Variants in LAMB3 observed in about 807,000 individuals in gnomAD.
LAMB3 encodes the protein laminin subunit beta 3, also known as laminin subunit beta-3.
LAMB3 carries 104 observed loss-of-function variants against 140.3 expected under a neutral mutation model. That is an observed-to-expected ratio of 0.74 (90% CI 0.63 to 0.87). The LOEUF (loss-of-function observed/expected upper bound fraction) is 0.87, where lower values mean the gene tolerates loss of function less well. Among genes scored for constraint, LAMB3 ranks in the 40% least tolerant of loss-of-function variants. LAMB3 has a pLI of 0.00. For missense variants in LAMB3, 1,531 were observed against 1,575.2 expected, an observed-to-expected ratio of 0.97 and a Z score of 0.47; for synonymous variants, 592 against 602.9, an observed-to-expected ratio of 0.98 and a Z score of 0.26.
chr1:209,627,225 G>A (rs529863753), intron 12 of LAMB3, among the ~76,000 whole-genome samples, 158 bp downstream of exon 12: 41 of 152,334 alleles, frequency 2.7e-4, no homozygotes, highest in South Asian at 1.2e-3. Flanking sequence ...CACAGAGGGA[G>A]GGACATCTGG....
chr1:209,627,065 C>A, intron 12 of LAMB3, 87 bp from the exon 13 acceptor site: 1 of 1,009,542 alleles, frequency 9.9e-7, no homozygotes, highest in South Asian at 1.4e-5. Flanking sequence ...GATTCCTGGT[C>A]CACAGGTAGA....
chr1:209,623,572 C>T lies in LAMB3; in HGVS notation c.2291G>A (p.Ser764Asn), dbSNP rs770547607. ...RQAGGGGGTG[S>N]PKLVALRLEM... ...CAGCCTCAGGGCCACAAGCTTGGGG[C>T]TGCCGGTGCCTCCTCCTCCTCCCGC... The change falls in exon 16 of 23, where the codon AGC becomes AAC. Residue 764 changes from serine (S) to asparagine (N), a missense_variant. Coordinates refer to ENST00000356082, the MANE Select transcript of LAMB3 (RefSeq NM_000228.3). The surrounding 1 kb of genome is among the most constrained non-coding windows in gnomAD (Gnocchi z 4.2). 6.2e-7 allele frequency: 1 copy of T among 1,614,194 alleles called. No individual in the cohort carries two copies.
intron 18 of LAMB3, among the ~76,000 whole-genome samples, chr1:209,621,452 CA>C (rs1412600398): frequency 6.6e-6 from 1 of 152,180 alleles, no homozygotes; most frequent in African/African-American, 2.4e-5. Context: ...CTATCTGGGG[CA>C]AAAACACTGT....
At chr1:209,633,212 A>G in intron 6 of LAMB3, 79 bp from the exon 7 acceptor site, 3 of 1,027,430 alleles carry the variant, frequency 2.9e-6, no homozygotes, top group South Asian at 2.5e-5. Flanking sequence ...CTTTCTTTCC[A>G]TTATATGCCT....
chr1:209,625,229 T>G (rs1198049619), intron 14 of LAMB3, among the ~76,000 whole-genome samples: 1 of 152,136 alleles, frequency 6.6e-6, no homozygotes, highest in Non-Finnish European at 1.5e-5. Context: ...CCTCTGCTGG[T>G]GGGATGGGGG....
In LAMB3 at chr1:209,634,572, G is replaced by A. The variant is rs1156302658; in HGVS notation, c.439C>T (p.Gln147Ter). 6.2e-7 allele frequency: 1 copy of A among 1,613,994 alleles called. No homozygotes were observed. The highest frequency in any genetic ancestry group is 1.3e-5 in the African/African-American group (1 of 74,908). The change falls in exon 6 of 23, where the codon CAG becomes TAG. Residue 147 changes from glutamine (Q) to a stop codon, truncating the protein, a stop_gained. Coordinates refer to ENST00000356082, the MANE Select transcript of LAMB3 (RefSeq NM_000228.3). LOFTEE classifies it high-confidence loss of function. ...GAGGTGCAGTCGGCAGCCAGGTACT[G>A]GTACACTCGCCAGGTCTTACCGAAG... ...SDFGKTWRVY[Q>*]YLAADCTSTF...
In LAMB3 at chr1:209,650,909, G is replaced by A; in HGVS notation, c.28+8C>T. 6.2e-7 allele frequency: 1 copy of A among 1,613,874 alleles called. No homozygotes were observed. Among genetic ancestry groups the A allele is most frequent in the East Asian group, 2.2e-5 (1 of 44,886 alleles). ...ACAGGGCCTGGAAGGATGGGAAGGG[G>A]TACTTACCAAAACACAAGAGGAAGA... is the stretch of plus-strand genomic sequence containing the variant. On this transcript the variant is annotated splice_region_variant and intron_variant, in intron 2 of 22. Transcript: ENST00000356082.
rs748650288 is a variant in LAMB3, at chr1:209,623,596, G to T, written c.2267C>A (p.Ala756Glu). Residue 756 changes from alanine to glutamate, a missense_variant, in exon 16 of 23, where the codon GCG (alanine) becomes GAG (glutamate). By Grantham distance (107) the Ala-to-Glu change is moderately radical. Coordinates refer to ENST00000356082, the MANE Select transcript of LAMB3 (RefSeq NM_000228.3). This position sits in a 1 kb window ranked among gnomAD's most constrained non-coding sequence, Gnocchi z 4.2. ...GCTGCCGGTGCCTCCTCCTCCTCCC[G>T]CCTGCCGCACCAGCCTCTCTGCCTC... is the stretch of plus-strand genomic sequence containing the variant. ...RREAERLVRQ[A>E]GGGGGTGSPK... 1.2e-6 allele frequency: 2 copies of T among 1,613,550 alleles called. No individual in the cohort carries two copies. The highest frequency in any genetic ancestry group is 1.7e-6 in the Non-Finnish European group (2 of 1,179,900).
intron 21 of LAMB3, among the ~76,000 whole-genome samples, chr1:209,617,005 T>C (rs985613413): frequency 6.6e-6 from 1 of 152,226 alleles, no homozygotes; most frequent in Non-Finnish European, 1.5e-5. Flanking sequence ...GAGAATGGGC[T>C]CTTTGATCTT....
Position 209,641,097 on chromosome 1 carries a change from A to C in LAMB3, c.184-2449T>G, listed in dbSNP as rs1404436791. On this transcript the variant is annotated intron_variant, in intron 3 of 22. Coordinates refer to ENST00000356082, the MANE Select transcript of LAMB3 (RefSeq NM_000228.3). ...GACTCTGTCTCAAAAAAAAAAAAAA[A>C]ATTTAAAAAAAAAAAAAGAAAGAAA... 6.3e-5 allele frequency among the ~76,000 whole-genome samples: 8 copies of C among 127,872 alleles called. No homozygotes were observed. In the South Asian group the frequency reaches 1.3e-3, roughly 20 times the overall value. 83.9% of individuals were successfully genotyped at this position (127,872 alleles called of 152,430 possible). A position where few individuals can be genotyped will look rare whatever the true frequency, so the allele number is the denominator to read the frequency against.
chr1:209,627,730 C>G, intron 11 of LAMB3, 151 bp from the exon 12 acceptor site: 1 of 812,624 alleles, frequency 1.2e-6, no homozygotes, highest in South Asian at 1.6e-5. Flanking sequence ...GACCCCTGCG[C>G]TGTCCCACCA....
chr1:209,637,847 C>T, intron 5 of LAMB3, 61 bp downstream of exon 5: 1 of 1,347,032 alleles, frequency 7.4e-7, no homozygotes, highest in Non-Finnish European at 1.1e-6. Flanking sequence ...TCCTCCATGG[C>T]TCCACGCCCA....
In LAMB3 at chr1:209,623,752, G is replaced by A. The variant is rs1210583099; in HGVS notation, c.2138-27C>T. 1.9e-6 allele frequency: 3 copies of A among 1,613,712 alleles called. No homozygotes were observed. Among genetic ancestry groups the A allele is most frequent in the Non-Finnish European group, 1.7e-6 (2 of 1,179,784 alleles). On this transcript the variant is annotated intron_variant, in intron 15 of 22. Coordinates refer to ENST00000356082, the MANE Select transcript of LAMB3 (RefSeq NM_000228.3). This position sits in a 1 kb window ranked among gnomAD's most constrained non-coding sequence, Gnocchi z 4.2. ...TGTGGCGAGAAGCATGAGGAATGGA[G>A]ATGGAGGAGGAGCAGGAGGGAGAGG... is the stretch of plus-strand genomic sequence containing the variant.
chr1:209,639,812 A>G (rs572162286), intron 3 of LAMB3, among the ~76,000 whole-genome samples: 2 of 152,238 alleles, frequency 1.3e-5, no homozygotes, highest in Admixed American at 1.3e-4. Context: ...TTTACCCACA[A>G]ATAGATGCAA....
rs2076356 is a variant in LAMB3 at position 209,638,541 on chromosome 1, T to G, written c.291A>C (p.Ser97=). 0.61 allele frequency: 982,045 copies of G among 1,601,282 alleles called. 308,745 individuals are homozygous for G. Among genetic ancestry groups the G allele is most frequent in the Middle Eastern group, 0.68 (4,076 of 6,030 alleles). The change falls in exon 4 of 23, where the codon TCA becomes TCC. Residue 97 remains serine, a synonymous_variant. Coordinates refer to ENST00000356082, the MANE Select transcript of LAMB3 (RefSeq NM_000228.3). ...SSSGPMRWWQ[S]QNDVNPVSLQ... ...TAGATGGCAAATGCTCACCATTCTG[T>G]GACTGCCACCAGCGCATGGGGCCGG...
intron 3 of LAMB3, among the ~76,000 whole-genome samples, chr1:209,649,300 CTG>C (rs1247133842): frequency 6.6e-6 from 1 of 152,152 alleles, no homozygotes; most frequent in Non-Finnish European, 1.5e-5. Context: ...CAAGAAAACA[CTG>C]AGTGATTTCA....
Position 209,623,172 on chromosome 1 carries a change from C to T in LAMB3, c.2366G>A (p.Gly789Asp), listed in dbSNP as rs866890710. ...DLTPTFNKLC[G>D]NSRQMACTPI... ...GGTGCAAGCCATCTGCCTGGAGTTG[C>T]CACAGAGCTGTGGACAGATGGCGGT... Residue 789 changes from glycine to aspartate, a missense_variant, in exon 17 of 23, where the codon GGC becomes GAC. Gly to Asp is a moderately conservative substitution (Grantham distance 94, BLOSUM62 -1). Transcript: ENST00000356082. This position sits in a 1 kb window ranked among gnomAD's most constrained non-coding sequence, Gnocchi z 4.2. The T allele has an allele frequency of 6.2e-7, 1 of 1,614,186 alleles. No individual in the cohort carries two copies. Among genetic ancestry groups the T allele is most frequent in the Non-Finnish European group, 8.5e-7 (1 of 1,180,024 alleles).
Position 209,632,569 on chromosome 1 carries a change from C to T in LAMB3, c.822+14G>A, listed in dbSNP as rs781671952. 22 of 1,612,500 alleles carry T rather than the reference C, an allele frequency of 1.4e-5. No homozygotes were observed. In the Middle Eastern group the frequency reaches 2.4e-3, roughly 173 times the overall value. ...CTGCCCCCTTCCTCTCCCCTTCCCACCCTAGGCTGTTACCTGCACAGCGGT... is the reference window on the plus strand; with the variant it reads ...CTGCCCCCTTCCTCTCCCCTTCCCATCCTAGGCTGTTACCTGCACAGCGGT... On this transcript the variant is annotated intron_variant, in intron 8 of 22. Coordinates refer to ENST00000356082, the MANE Select transcript of LAMB3 (RefSeq NM_000228.3).
At position 209,615,277 on chromosome 1, in the gene LAMB3, G is replaced by T. The variant is rs1407876692; in HGVS notation, c.3513C>A (p.Cys1171Ter). Residue 1171 changes from cysteine to a stop codon, truncating the protein, a stop_gained, in exon 23 of 23, where the codon TGC becomes TGA. Coordinates refer to ENST00000356082, the MANE Select transcript of LAMB3 (RefSeq NM_000228.3). LOFTEE classifies it high-confidence loss of function. ...INGRVLYYATCK is the reference protein window; with the variant it reads ...INGRVLYYAT Reference sequence around the variant, plus strand: ...CGGGCTGGAAGCTGTAGCATCACTTGCAGGTGGCATAGTAGAGCACGCGCC... The same window carrying T: ...CGGGCTGGAAGCTGTAGCATCACTTTCAGGTGGCATAGTAGAGCACGCGCC... 8.7e-6 allele frequency: 14 copies of T among 1,614,136 alleles called. No homozygotes were observed. The highest frequency in any genetic ancestry group is 1.1e-5 in the Non-Finnish European group (13 of 1,180,034).
Sources: gnomAD v4.1 joint callset for allele counts (sites outside exome capture counted in the v4.1 genomes callset) on GRCh38, gnomAD v4.1.1 for gene constraint, Gnocchi (gnomAD v3.1) non-coding constraint, MANE v1.5 for transcripts, NCBI Gene and HGNC (gene_info 2026-07-23, HGNC 2026-07-21) for gene names.